CENPP: variants seen among roughly 807,000 people sequenced by gnomAD.
CENPP encodes the protein centromere protein P.
CENPP carries 24 observed loss-of-function variants against 35.6 expected under a neutral mutation model. That is an observed-to-expected ratio of 0.67 (90% CI 0.49 to 0.95). The LOEUF is 0.95. Ranked by LOEUF, CENPP falls within the 40% of genes least tolerant of loss-of-function variation. The pLI is 0.00. For synonymous variants in CENPP, 120 were observed against 125.5 expected (o/e 0.96, Z 0.29); for missense variants, 332 against 345.3 (o/e 0.96, Z 0.31).
At chr9:92,539,708 C>T (rs1042066846) in intron 5 of CENPP, among the ~76,000 whole-genome samples, 1 of 152,092 alleles carries the variant, frequency 6.6e-6, no homozygotes, top group Non-Finnish European at 1.5e-5. Context: ...CCTCTTGGCC[C>T]ATAGTTCAAA....
At chr9:92,514,830 A>G (rs1321688996) in intron 5 of CENPP, 1 of 1,610,638 alleles carries the variant, frequency 6.2e-7, no homozygotes, top group Non-Finnish European at 8.5e-7. Context: ...CGTCCTCCTC[A>G]TCCTCCTCAC....
intron 5 of CENPP, among the ~76,000 whole-genome samples, chr9:92,381,905 T>C (rs1256888614): frequency 1.9e-4 from 29 of 151,946 alleles, no homozygotes; most frequent in Non-Finnish European, 5.9e-5. Flanking sequence ...TGCTTTTTTT[T>C]TTTTTTTTGG....
chr9:92,407,775 TA>T (rs1254151266), intron 5 of CENPP, among the ~76,000 whole-genome samples: 2 of 151,932 alleles, frequency 1.3e-5, no homozygotes, highest in Non-Finnish European at 1.5e-5. Context: ...CCTGGCTAAT[TA>T]AAAAAATTAA....
chr9:92,345,983 C>A (rs1841284489), intron 4 of CENPP, among the ~76,000 whole-genome samples, 196 bp downstream of exon 4: 1 of 152,104 alleles, frequency 6.6e-6, no homozygotes, highest in Non-Finnish European at 1.5e-5. Flanking sequence ...ATTGCACATT[C>A]ACTATGTGCT....
Position 92,410,791 on chromosome 9 carries a change from A to G in CENPP, c.564+30932A>G, listed in dbSNP as rs528921555. Among the ~76,000 whole-genome samples the G allele has an allele frequency of 2.0e-5, 3 of 152,164 alleles. No homozygotes were observed. The East Asian group carries it at 5.8e-4, about 29-fold the overall frequency. ...CCTTACTGTTTACTTGATACCTCCA[A>G]CTCATGTGCACTTTATGTGCTTTAT... On this transcript the variant is annotated intron_variant, in intron 5 of 7. Coordinates refer to ENST00000375587, the MANE Select transcript of CENPP (RefSeq NM_001012267.3).
intron 5 of CENPP, chr9:92,417,558 T>A: frequency 1.3e-6 from 2 of 1,540,020 alleles, no homozygotes; most frequent in Non-Finnish European, 8.8e-7. Flanking sequence ...AAAAAACCCA[T>A]CTTCTTTTTT....
At chr9:92,558,857 A>G (rs945125091) in intron 5 of CENPP, among the ~76,000 whole-genome samples, 1 of 151,976 alleles carries the variant, frequency 6.6e-6, no homozygotes, top group East Asian at 1.9e-4. Flanking sequence ...GGAGTTGTAT[A>G]CCTAGGAGGA....
intron 5 of CENPP, among the ~76,000 whole-genome samples, chr9:92,556,796 T>C (rs1021506388): frequency 2.0e-5 from 3 of 152,238 alleles, no homozygotes; most frequent in Non-Finnish European, 4.4e-5. Context: ...TCTGCTGTTG[T>C]GTATCTTTTA....
At chr9:92,611,424 T>C in intron 6 of CENPP, 31 bp downstream of exon 6, 1 of 1,567,936 alleles carries the variant, frequency 6.4e-7, no homozygotes, top group South Asian at 1.1e-5. Context: ...GGGCCTCCCA[T>C]TTCCTGTTCA....
chr9:92,415,794 C>G (rs1588113793), intron 5 of CENPP, among the ~76,000 whole-genome samples: 1 of 147,224 alleles, frequency 6.8e-6, no homozygotes, highest in South Asian at 2.1e-4. Flanking sequence ...TATTATTTCT[C>G]TCTTTTATAT....
chr9:92,501,623 T>C (rs1415039606), intron 5 of CENPP, among the ~76,000 whole-genome samples: 1 of 152,196 alleles, frequency 6.6e-6, no homozygotes, highest in African/African-American at 2.4e-5. Context: ...CTGGCTTGTT[T>C]CAGGAACCCC....
In CENPP at chr9:92,587,083, GAAC is replaced by G. The variant is rs1850557501; in HGVS notation, c.565-24227_565-24225del. ...GACTTACTAGACAAACACTTTTAAT[GAAC>G]AACTGTCCTAAATATGCTCAGAGAA... On this transcript the variant is annotated intron_variant, in intron 5 of 7. Coordinates refer to ENST00000375587, the MANE Select transcript of CENPP (RefSeq NM_001012267.3). 3.3e-5 allele frequency among the ~76,000 whole-genome samples: 5 copies of G among 152,136 alleles called. No individual in the cohort carries two copies. The South Asian group carries it at 8.3e-4, about 25-fold the overall frequency.
intron 5 of CENPP, among the ~76,000 whole-genome samples, chr9:92,445,967 CTGAG>C (rs911836415): frequency 2.6e-5 from 4 of 151,988 alleles, no homozygotes; most frequent in African/African-American, 7.2e-5. Flanking sequence ...ATTTTTGAAA[CTGAG>C]TGAGAAGTAT....
intron 5 of CENPP, chr9:92,509,858 AT>A: frequency 6.4e-7 from 1 of 1,573,300 alleles, no homozygotes; most frequent in Non-Finnish European, 8.6e-7. Flanking sequence ...TATAGGAAAG[AT>A]TATAAGGAAG....
intron 5 of CENPP, among the ~76,000 whole-genome samples, chr9:92,524,186 A>C (rs1451328852): frequency 6.6e-6 from 1 of 152,124 alleles, no homozygotes; most frequent in African/African-American, 2.4e-5. Flanking sequence ...CTAGCTTTAT[A>C]ATTGTCTGGG....
At chr9:92,606,735 C>T (rs987554981) in intron 5 of CENPP, among the ~76,000 whole-genome samples, 2 of 152,206 alleles carry the variant, frequency 1.3e-5, no homozygotes, top group Non-Finnish European at 2.9e-5. Flanking sequence ...GAAACCCCAT[C>T]TCTACTAAAA....
chr9:92,551,940 T>TGATATATATATGATATATATATG (rs368870400), intron 5 of CENPP, among the ~76,000 whole-genome samples: 1 of 113,386 alleles, frequency 8.8e-6, no homozygotes, highest in Non-Finnish European at 1.8e-5. Context: ...TATATATATA[T>TGATATATATATGATATATATATG]ATATATATAT....
chr9:92,615,838 C>T lies in CENPP; in HGVS notation c.*2689C>T. 1 of 1,611,470 alleles carries T rather than the reference C, an allele frequency of 6.2e-7. No individual in the cohort carries two copies. The highest frequency in any genetic ancestry group is 2.2e-5 in the East Asian group (1 of 44,862). On this transcript the variant is annotated 3_prime_UTR_variant, in exon 8 of 8. Transcript: ENST00000375587. ...AGACACTGCAGGGAAAGAGTTAGAC[C>T]TTGTGGAGAACTAATGTGCAATCTT...
intron 5 of CENPP, chr9:92,415,171 TAATG>T (rs1239448889): frequency 6.2e-7 from 1 of 1,606,886 alleles, no homozygotes; most frequent in South Asian, 1.1e-5. Flanking sequence ...ATTTTCATAA[TAATG>T]AAGGTCAAAG....
Sources: allele counts gnomAD v4.1 joint callset (sites outside exome capture counted in the v4.1 genomes callset), GRCh38; gene constraint gnomAD v4.1.1; transcripts MANE v1.5; gene names NCBI Gene and HGNC (gene_info 2026-07-23, HGNC 2026-07-21).